The following PCLO variants were observed in gnomAD, a reference collection of about 807,000 sequenced individuals.
PCLO encodes the protein protein piccolo.
A neutral mutation model predicts 427.5 loss-of-function variants in PCLO; 82 were observed. That is an observed-to-expected ratio of 0.19 (90% CI 0.16 to 0.23). The LOEUF (loss-of-function observed/expected upper bound fraction) is 0.23. PCLO is among the 10% of genes least tolerant of loss of function. The probability of loss-of-function intolerance (pLI) is 1.00; values close to 1 mark genes in which losing one functional copy is unlikely to be tolerated. For synonymous variants in PCLO, 2,357 were observed against 2,155.4 expected, an observed-to-expected ratio of 1.09 and a Z score of -2.59; for missense variants, 6,239 against 6,115.9, an observed-to-expected ratio of 1.02 and a Z score of -0.67.
At chr7:82,962,364 A>G (rs368437765) in intron 4 of PCLO, among the ~76,000 whole-genome samples, 2 of 152,248 alleles carry the variant, frequency 1.3e-5, no homozygotes, top group East Asian at 3.9e-4. Flanking sequence ...TGAAAAAATT[A>G]CTAAAGTAAT....
intron 3 of PCLO, among the ~76,000 whole-genome samples, chr7:82,969,328 T>C (rs2115687747): frequency 6.6e-6 from 1 of 152,298 alleles, no homozygotes; most frequent in Admixed American, 6.5e-5. Context: ...ACCATTAAAC[T>C]ACTAAGGTTT....
chr7:83,023,814 C>G (rs1395249582), intron 3 of PCLO, among the ~76,000 whole-genome samples: 1 of 152,174 alleles, frequency 6.6e-6, no homozygotes, highest in East Asian at 1.9e-4. Flanking sequence ...TAATAACTCT[C>G]TAAATTATTA....
chr7:82,801,637 G>T (rs1791355460), intron 21 of PCLO, 46 bp from the exon 22 acceptor site: 2 of 1,129,656 alleles, frequency 1.8e-6, no homozygotes, highest in Admixed American at 2.0e-5. Context: ...ATGATCTCAT[G>T]AATGCAAAAG....
At chr7:82,913,268 C>CA (rs1464370189) in intron 7 of PCLO, among the ~76,000 whole-genome samples, 1 of 151,930 alleles carries the variant, frequency 6.6e-6, no homozygotes, top group Non-Finnish European at 1.5e-5. Context: ...CCTTCAGATA[C>CA]AGTGATTATT....
At position 83,134,218 on chromosome 7, in the gene PCLO, A is replaced by AATATATATATATAT. The variant is rs61658777; in HGVS notation, c.3300+18_3300+31dup. ...AACCCACAGACTCACCTCCATATGT[A>AATATATATATATAT]ATATATATATATATATATATATATA... On this transcript the variant is annotated intron_variant, in intron 3 of 24. Coordinates refer to ENST00000333891, the MANE Select transcript of PCLO (RefSeq NM_033026.6). The AATATATATATATAT allele has an allele frequency of 6.7e-4, 288 of 430,166 alleles. 1 individual carries two copies. Among genetic ancestry groups the AATATATATATATAT allele is most frequent in the African/African-American group, 2.9e-3 (132 of 44,988 alleles). The allele number at this position is 430,166 out of a possible 1,614,324, so 26.6% of individuals were successfully genotyped here.
chr7:83,074,603 T>A (rs907784217), intron 3 of PCLO, among the ~76,000 whole-genome samples: 1 of 152,092 alleles, frequency 6.6e-6, no homozygotes, highest in African/African-American at 2.4e-5. Context: ...AATGGAACAA[T>A]GATTGATGAA....
rs1371719086 is a variant in PCLO at position 82,916,798 on chromosome 7, C to G, written c.11188G>C (p.Glu3730Gln). 1 of 1,613,598 alleles carries G rather than the reference C, an allele frequency of 6.2e-7. No homozygotes were observed. The highest frequency in any genetic ancestry group is 2.2e-5 in the East Asian group (1 of 44,832). The change falls in exon 7 of 25, where the codon GAG becomes CAG. Residue 3730 changes from glutamate to glutamine, a missense_variant. Physicochemically the swap from Glu to Gln is conservative, Grantham distance 29 (BLOSUM62 2). Transcript: ENST00000333891. Reference sequence around the variant, plus strand: ...GATTGAGTTCCTGTGGAAATCTCCTCAGGAGGTGGATTTGGCAGAGTTCTT... The same window carrying G: ...GATTGAGTTCCTGTGGAAATCTCCTGAGGAGGTGGATTTGGCAGAGTTCTT... ...VKRTLPNPPP[E>Q]EISTGTQSTF...
chr7:82,954,582 G>T lies in PCLO; in HGVS notation c.6371C>A (p.Thr2124Lys). 1 of 1,613,910 alleles carries T rather than the reference G, an allele frequency of 6.2e-7. No homozygotes were observed. Residue 2124 changes from threonine to lysine, a missense_variant, in exon 5 of 25, where the codon ACA (threonine) becomes AAA (lysine). Physicochemically the swap from Thr to Lys is moderately conservative, Grantham distance 78. Coordinates refer to ENST00000333891, the MANE Select transcript of PCLO (RefSeq NM_033026.6). The stretch of plus-strand genomic sequence containing the variant: ...TATTTTAACATCTGGGATAGAGAGT[G>T]TTGCACTGCTGGTCGAATCTGTAAG... ...ASLTDSTSSA[T>K]LSIPDVKITQ... is the part of the protein sequence containing the mutation.
At chr7:82,873,954 A>G (rs973687629) in intron 10 of PCLO, among the ~76,000 whole-genome samples, 8 of 152,184 alleles carry the variant, frequency 5.3e-5, no homozygotes, top group Non-Finnish European at 1.0e-4. Context: ...GTTAAGTTCA[A>G]GGTTGTGAGA....
intron 8 of PCLO, among the ~76,000 whole-genome samples, chr7:82,905,128 C>T (rs1038806858): frequency 2.6e-5 from 4 of 152,030 alleles, no homozygotes; most frequent in Middle Eastern, 3.2e-3. Flanking sequence ...TCAAGTGGTG[C>T]TACATTCCTC....
In PCLO at chr7:82,916,801, G is replaced by A. The variant is rs770889336; in HGVS notation, c.11185C>T (p.Pro3729Ser). The change falls in exon 7 of 25, where the codon CCT (proline) becomes TCT (serine). Residue 3729 changes from proline (P) to serine (S), a missense_variant. This residue lies in a region of PCLO where 4,677 missense variants were observed against 4,468.4 expected (regional missense o/e 1.05). Coordinates refer to ENST00000333891, the MANE Select transcript of PCLO (RefSeq NM_033026.6). ...KVKRTLPNPP[P>S]EEISTGTQST... Reference sequence around the variant, plus strand: ...TGAGTTCCTGTGGAAATCTCCTCAGGAGGTGGATTTGGCAGAGTTCTTTTA... The same window carrying A: ...TGAGTTCCTGTGGAAATCTCCTCAGAAGGTGGATTTGGCAGAGTTCTTTTA... 4 of 1,613,546 alleles carry A rather than the reference G, an allele frequency of 2.5e-6. No individual in the cohort carries two copies. The highest frequency in any genetic ancestry group is 2.2e-5 in the South Asian group (2 of 91,084).
At chr7:83,083,402 A>G (rs986229515) in intron 3 of PCLO, among the ~76,000 whole-genome samples, 1 of 152,046 alleles carries the variant, frequency 6.6e-6, no homozygotes, top group South Asian at 2.1e-4. Flanking sequence ...ATCATTAATT[A>G]TCTGTGGATG....
chr7:82,846,158 A>T (rs529349433), intron 12 of PCLO, among the ~76,000 whole-genome samples: 1 of 152,160 alleles, frequency 6.6e-6, no homozygotes, highest in African/African-American at 2.4e-5. Flanking sequence ...AAAGGCAATG[A>T]AAGAGTTCAG....
chr7:82,983,904 CA>C (rs1222972300), intron 3 of PCLO, among the ~76,000 whole-genome samples: 1 of 151,758 alleles, frequency 6.6e-6, no homozygotes, highest in African/African-American at 2.4e-5. Context: ...GGGCTAACCT[CA>C]AAACATGAAT....
Position 82,754,554 on chromosome 7 carries a change from C to T in PCLO, c.*4021G>A, listed in dbSNP as rs1790278210. The stretch of plus-strand genomic sequence containing the variant: ...TAAATGCCAAATGAAATTAATATTT[C>T]AACTTCGTCTACTTTACCAAGTGTA... On this transcript the variant is annotated 3_prime_UTR_variant, in exon 25 of 25. Coordinates refer to ENST00000333891, the MANE Select transcript of PCLO (RefSeq NM_033026.6). 1 of 152,074 alleles carries T rather than the reference C, an allele frequency of 6.6e-6. No homozygotes were observed. The highest frequency in any genetic ancestry group is 6.5e-5 in the Admixed American group (1 of 15,268). 9.4% of individuals were successfully genotyped at this position (152,074 alleles called of 1,614,324 possible).
At chr7:82,817,403 A>C (rs1035080331) in intron 20 of PCLO, among the ~76,000 whole-genome samples, 1 of 152,126 alleles carries the variant, frequency 6.6e-6, no homozygotes, top group Non-Finnish European at 1.5e-5. Context: ...CTTTACAGAA[A>C]CAGGGAAGGC....
intron 20 of PCLO, among the ~76,000 whole-genome samples, chr7:82,808,248 T>G (rs563278754): frequency 1.3e-5 from 2 of 151,980 alleles, no homozygotes; most frequent in Non-Finnish European, 2.9e-5. Context: ...GACACTAATA[T>G]TCAATCAATT....
At chr7:82,834,952 T>TTTTGTTTGTTTG (rs879762811) in intron 16 of PCLO, among the ~76,000 whole-genome samples, 1 of 126,754 alleles carries the variant, frequency 7.9e-6, no homozygotes, top group Non-Finnish European at 1.8e-5. Flanking sequence ...TTATCTTTTT[T>TTTTGTTTGTTTG]TTTGTTTGTT....
At chr7:83,054,852 T>G (rs767208219) in intron 3 of PCLO, among the ~76,000 whole-genome samples, 1 of 152,094 alleles carries the variant, frequency 6.6e-6, no homozygotes, top group African/African-American at 2.4e-5. Context: ...GTAGATACTT[T>G]AGTTCAAATG....
Sources: allele counts gnomAD v4.1 joint callset (sites outside exome capture counted in the v4.1 genomes callset), GRCh38; gene constraint gnomAD v4.1.1; regional missense constraint gnomAD v4.1.1; transcripts MANE v1.5; gene names NCBI Gene and HGNC (gene_info 2026-07-23, HGNC 2026-07-21).